NCKAP5: variants seen among roughly 807,000 people sequenced by gnomAD.
NCKAP5 encodes NCK associated protein 5.
In NCKAP5, 92 loss-of-function variants were observed where a neutral mutation model predicts 167.0. That is an observed-to-expected ratio of 0.55 (90% CI 0.47 to 0.66). The LOEUF (loss-of-function observed/expected upper bound fraction) is 0.66, where lower values mean the gene tolerates loss of function less well. Among genes scored for constraint, NCKAP5 ranks in the 30% least tolerant of loss-of-function variants. The pLI is 0.00. For missense variants in NCKAP5, 2,378 were observed against 2,315.0 expected (o/e 1.03, Z -0.56); for synonymous variants, 891 against 877.4 (o/e 1.02, Z -0.27).
chr2:132,793,072 T>TGCCTTGCCTCC (rs1412493360), intron 12 of NCKAP5, among the ~76,000 whole-genome samples: 2 of 152,180 alleles, frequency 1.3e-5, no homozygotes, highest in East Asian at 3.9e-4. Context: ...TGGCATGATC[T>TGCCTTGCCTCC]CAGCTCACTG....
At chr2:133,115,365 T>A (rs2082037551) in intron 6 of NCKAP5, among the ~76,000 whole-genome samples, 1 of 152,142 alleles carries the variant, frequency 6.6e-6, no homozygotes, top group South Asian at 2.1e-4. Context: ...GTGGATTTCT[T>A]TTTGTCATGA....
intron 3 of NCKAP5, among the ~76,000 whole-genome samples, chr2:133,316,162 G>A (rs1295366642): frequency 2.6e-5 from 4 of 152,136 alleles, no homozygotes; most frequent in Non-Finnish European, 4.4e-5. Flanking sequence ...TATTTCCGAT[G>A]ACTTAACACA....
chr2:133,648,380 G>C, the NCKAP5 span, among the ~76,000 whole-genome samples: 2 of 151,998 alleles, frequency 1.3e-5, no homozygotes, highest in African/African-American at 2.4e-5. Flanking sequence ...AGGAATCAGA[G>C]GACTTAAATA....
the NCKAP5 span, among the ~76,000 whole-genome samples, chr2:133,584,017 G>T: frequency 6.6e-6 from 1 of 152,214 alleles, no homozygotes; most frequent in Admixed American, 6.5e-5. Flanking sequence ...GCCTCCCAAA[G>T]TGCTGGGATT....
At chr2:133,581,660 T>C in the NCKAP5 span, among the ~76,000 whole-genome samples, 1 of 152,188 alleles carries the variant, frequency 6.6e-6, no homozygotes, top group Non-Finnish European at 1.5e-5. Context: ...GTGAGGTGTC[T>C]ATGGGCTGAG....
intron 4 of NCKAP5, among the ~76,000 whole-genome samples, chr2:133,237,171 T>A (rs1043454079): frequency 2.0e-5 from 3 of 151,988 alleles, no homozygotes; most frequent in African/African-American, 4.8e-5. Context: ...TTGCTTATTT[T>A]AAAAAAAAGC....
At chr2:133,506,082 G>A (rs769112565) in intron 3 of NCKAP5, among the ~76,000 whole-genome samples, 1 of 152,114 alleles carries the variant, frequency 6.6e-6, no homozygotes. Context: ...AAGGACTTAC[G>A]CAGTTCTAAT....
At chr2:132,786,150 A>T (rs779202428) in intron 13 of NCKAP5, among the ~76,000 whole-genome samples, 12 of 152,236 alleles carry the variant, frequency 7.9e-5, no homozygotes, top group African/African-American at 1.2e-4. Flanking sequence ...AGCTCTTGAA[A>T]GACACATAGG....
intron 4 of NCKAP5, among the ~76,000 whole-genome samples, chr2:133,266,680 C>A (rs911097586): frequency 2.6e-5 from 4 of 152,162 alleles, no homozygotes; most frequent in African/African-American, 9.7e-5. Flanking sequence ...CTGGGCCACG[C>A]GCTCACCGCA....
intron 19 of NCKAP5, among the ~76,000 whole-genome samples, chr2:132,709,581 A>G (rs1013026187): frequency 6.6e-6 from 1 of 152,140 alleles, no homozygotes; most frequent in African/African-American, 2.4e-5. Flanking sequence ...ATGAAAACTT[A>G]GACAAAAGGG....
the NCKAP5 span, among the ~76,000 whole-genome samples, chr2:133,642,331 CAG>C: frequency 1.3e-5 from 2 of 152,162 alleles, no homozygotes; most frequent in Non-Finnish European, 2.9e-5. Flanking sequence ...TGAGTTTTTG[CAG>C]AGACAAGTAA....
intron 3 of NCKAP5, among the ~76,000 whole-genome samples, chr2:133,374,429 T>C (rs188440507): frequency 1.2e-4 from 19 of 152,324 alleles, no homozygotes; most frequent in Non-Finnish European, 2.5e-4. Flanking sequence ...TATACATTTG[T>C]CCAACTCATA....
chr2:133,455,114 T>A (rs985536143), intron 3 of NCKAP5, among the ~76,000 whole-genome samples: 1 of 152,134 alleles, frequency 6.6e-6, no homozygotes, highest in Non-Finnish European at 1.5e-5. Context: ...CAGCCTGATT[T>A]GTTTAAAGCA....
At chr2:133,420,467 G>A (rs1689402953) in intron 3 of NCKAP5, among the ~76,000 whole-genome samples, 1 of 152,196 alleles carries the variant, frequency 6.6e-6, no homozygotes, top group Non-Finnish European at 1.5e-5. Context: ...GAGGACATGA[G>A]AAATAACTGA....
In NCKAP5 at chr2:132,805,559, T is replaced by C. The variant is rs146060262; in HGVS notation, c.808-8830A>G. 1.3e-4 allele frequency among the ~76,000 whole-genome samples: 20 copies of C among 152,194 alleles called. No homozygotes were observed. The East Asian group carries it at 3.7e-3, about 28-fold the overall frequency. On this transcript the variant is annotated intron_variant, in intron 11 of 19. Coordinates refer to ENST00000409261, the MANE Select transcript of NCKAP5 (RefSeq NM_207363.3). ...ATGGTTATCACTATTGGTATTTGAT[T>C]GGTATTGTTAATTTCATTTGCTTTT...
chr2:133,571,411 G>A (rs964649908), upstream of NCKAP5, among the ~76,000 whole-genome samples: 2 of 152,032 alleles, frequency 1.3e-5, no homozygotes, highest in African/African-American at 4.8e-5. Context: ...CCTACTAGGT[G>A]ATTATGAATG....
intron 3 of NCKAP5, among the ~76,000 whole-genome samples, chr2:133,472,410 T>G (rs1345695305): frequency 6.6e-6 from 1 of 152,144 alleles, no homozygotes; most frequent in Admixed American, 6.5e-5. Context: ...TTTAATTATA[T>G]GATGAAGATC....
chr2:133,542,599 TC>T (rs1460778172), intron 2 of NCKAP5, among the ~76,000 whole-genome samples: 1 of 152,180 alleles, frequency 6.6e-6, no homozygotes, highest in African/African-American at 2.4e-5. Context: ...TCTCCTTTCC[TC>T]CCTGCTCACA....
chr2:133,337,428 A>G (rs1232209906), intron 3 of NCKAP5, among the ~76,000 whole-genome samples: 1 of 152,230 alleles, frequency 6.6e-6, no homozygotes, highest in African/African-American at 2.4e-5. Flanking sequence ...AGTTCTAATC[A>G]GACTGACATA....
Sources: allele counts gnomAD v4.1 joint callset (sites outside exome capture counted in the v4.1 genomes callset), GRCh38; gene constraint gnomAD v4.1.1; transcripts MANE v1.5; gene names NCBI Gene and HGNC (gene_info 2026-07-23, HGNC 2026-07-21).